Variants in SKAP2 observed in about 807,000 individuals in gnomAD.
SKAP2 encodes src kinase-associated phosphoprotein 2.
A neutral mutation model predicts 54.9 loss-of-function variants in SKAP2; 28 were observed. That is an observed-to-expected ratio of 0.51 (90% CI 0.38 to 0.70). The LOEUF (loss-of-function observed/expected upper bound fraction) is 0.70, where lower values mean the gene tolerates loss of function less well. SKAP2 is among the 30% of genes least tolerant of loss of function. The pLI, the probability that SKAP2 is intolerant of heterozygous loss-of-function variation, is 0.00. For synonymous variants in SKAP2, 137 were observed against 134.3 expected, an observed-to-expected ratio of 1.02 and a Z score of -0.14; for missense variants, 356 against 424.1, an observed-to-expected ratio of 0.84 and a Z score of 1.41.
At chr7:26,684,674 T>G (rs551287191) in intron 11 of SKAP2, 62 bp downstream of exon 11, 57 of 964,666 alleles carry the variant, frequency 5.9e-5, no homozygotes, top group South Asian at 4.1e-4. Flanking sequence ...TAAATCCAAA[T>G]GCATTAAAAA....
chr7:26,693,411 T>C (rs538540870), intron 9 of SKAP2, among the ~76,000 whole-genome samples: 1 of 151,504 alleles, frequency 6.6e-6, no homozygotes, highest in Admixed American at 6.6e-5. Context: ...AAAAATTCAT[T>C]ACAAGACTTA....
intron 9 of SKAP2, among the ~76,000 whole-genome samples, chr7:26,701,184 T>C (rs1049376830): frequency 2.0e-5 from 3 of 152,244 alleles, no homozygotes; most frequent in South Asian, 2.1e-4. Flanking sequence ...GGTATTTTAT[T>C]TGAATCTTTG....
chr7:26,773,324 C>T (rs777343871), intron 4 of SKAP2, among the ~76,000 whole-genome samples: 13 of 152,264 alleles, frequency 8.5e-5, no homozygotes, highest in African/African-American at 2.9e-4. Flanking sequence ...TGCTGGTTAT[C>T]GGAATTGAGA....
chr7:26,695,793 C>T (rs2127943815), intron 9 of SKAP2, among the ~76,000 whole-genome samples: 1 of 152,304 alleles, frequency 6.6e-6, no homozygotes, highest in African/African-American at 2.4e-5. Context: ...GTTCCCCTTC[C>T]TCACCTCTAG....
chr7:26,804,681 G>A (rs940663255), intron 4 of SKAP2, among the ~76,000 whole-genome samples: 5 of 150,422 alleles, frequency 3.3e-5, no homozygotes, highest in Admixed American at 3.3e-4. Flanking sequence ...GGAGGTTGCA[G>A]TGAGCCGAAA....
At chr7:26,786,296 G>A (rs2127979892) in intron 4 of SKAP2, among the ~76,000 whole-genome samples, 1 of 152,348 alleles carries the variant, frequency 6.6e-6, no homozygotes, top group East Asian at 1.9e-4. Flanking sequence ...TAGGGATACA[G>A]TGTTGAACAA....
chr7:26,664,369 A>T (rs559576591), downstream of SKAP2, among the ~76,000 whole-genome samples: 22 of 152,296 alleles, frequency 1.4e-4, no homozygotes, highest in African/African-American at 5.3e-4. Flanking sequence ...TTAAACTGTT[A>T]TCATCACATT....
intron 4 of SKAP2, among the ~76,000 whole-genome samples, chr7:26,827,112 T>A (rs1221717506): frequency 6.6e-6 from 1 of 152,138 alleles, no homozygotes; most frequent in African/African-American, 2.4e-5. Context: ...ATAATTCTTA[T>A]TAAACTCCTT....
At chr7:26,825,580 T>TAA (rs3069884) in intron 4 of SKAP2, among the ~76,000 whole-genome samples, 78 of 129,104 alleles carry the variant, frequency 6.0e-4, no homozygotes, top group African/African-American at 1.0e-3. Context: ...AGCAAACAGT[T>TAA]AAAAAAAAAA....
intron 4 of SKAP2, among the ~76,000 whole-genome samples, chr7:26,790,164 G>A (rs1464980722): frequency 6.6e-6 from 1 of 152,114 alleles, no homozygotes; most frequent in Non-Finnish European, 1.5e-5. Context: ...AGGATTCTTA[G>A]CCCCCTAATT....
intron 4 of SKAP2, among the ~76,000 whole-genome samples, chr7:26,741,022 A>G (rs116762381): frequency 0.012 from 1,802 of 152,256 alleles, 36 homozygotes; most frequent in African/African-American, 0.04. Context: ...AGTTATCCTC[A>G]GCATTTTACT....
intron 1 of SKAP2, among the ~76,000 whole-genome samples, chr7:26,861,615 CTTT>C (rs34331819): frequency 0.22 from 25,549 of 115,926 alleles, 2,280 homozygotes; most frequent in Middle Eastern, 0.24. Context: ...ATAACAACCT[CTTT>C]TTTTTTTTTT....
chr7:26,861,145 C>T (rs1469801441), intron 1 of SKAP2, among the ~76,000 whole-genome samples: 4 of 151,732 alleles, frequency 2.6e-5, no homozygotes, highest in Non-Finnish European at 5.9e-5. Context: ...AAGCCACTAA[C>T]AAACCATTAT....
chr7:26,864,513 C>A lies in SKAP2; in HGVS notation c.-84G>T, dbSNP rs1237313479. The A allele has an allele frequency of 3.3e-6, 5 of 1,508,364 alleles. No individual in the cohort carries two copies. Among genetic ancestry groups the A allele is most frequent in the African/African-American group, 1.4e-5 (1 of 70,648 alleles). The allele number at this position is 1,508,364 out of a possible 1,614,324, so 93.4% of individuals were successfully genotyped here. On this transcript the variant is annotated 5_prime_UTR_variant, in exon 1 of 13. Coordinates refer to ENST00000345317, the MANE Select transcript of SKAP2 (RefSeq NM_003930.5). ...TGGGGCTGCGGCTGCGACCTAGACT[C>A]AGGCTAGCGGCCCGGATTAAGAACA... is the stretch of plus-strand genomic sequence containing the variant.
At chr7:26,714,673 C>T (rs1212143843) in intron 9 of SKAP2, among the ~76,000 whole-genome samples, 1 of 152,116 alleles carries the variant, frequency 6.6e-6, no homozygotes, top group African/African-American at 2.4e-5. Flanking sequence ...CCCAGCTGAC[C>T]TATCTGCAAA....
intron 4 of SKAP2, among the ~76,000 whole-genome samples, chr7:26,770,503 G>GA (rs1034508883): frequency 3.0e-4 from 45 of 151,972 alleles, no homozygotes; most frequent in African/African-American, 1.0e-3. Context: ...ACTGGAGTAT[G>GA]AAAAAAAACT....
At chr7:26,720,370 A>G (rs974721347) in intron 9 of SKAP2, among the ~76,000 whole-genome samples, 2 of 152,236 alleles carry the variant, frequency 1.3e-5, no homozygotes, top group African/African-American at 4.8e-5. Context: ...GCTTCATACT[A>G]TATTATGAAA....
At chr7:26,795,327 T>TAC (rs1783752808) in intron 4 of SKAP2, among the ~76,000 whole-genome samples, 1 of 152,232 alleles carries the variant, frequency 6.6e-6, no homozygotes, top group African/African-American at 2.4e-5. Context: ...TGGATGAACA[T>TAC]ACTAAGTGTT....
intron 6 of SKAP2, among the ~76,000 whole-genome samples, chr7:26,734,842 C>T (rs1313561278): frequency 2.0e-5 from 3 of 152,134 alleles, no homozygotes; most frequent in African/African-American, 7.2e-5. Context: ...AAAGCCCCAG[C>T]TCTTAATACA....
Sources: gnomAD v4.1 joint callset for allele counts (sites outside exome capture counted in the v4.1 genomes callset) on GRCh38, gnomAD v4.1.1 for gene constraint, MANE v1.5 for transcripts, NCBI Gene and HGNC (gene_info 2026-07-23, HGNC 2026-07-21) for gene names.